Variants in PBX3 observed in about 807,000 individuals in gnomAD.
PBX3 encodes pre-B-cell leukemia transcription factor 3.
PBX3 carries 14 observed loss-of-function variants against 48.5 expected under a neutral mutation model. The observed-to-expected ratio is 0.29, with a 90% CI of 0.19 to 0.45. The LOEUF (loss-of-function observed/expected upper bound fraction) is 0.45, where lower values mean the gene tolerates loss of function less well. PBX3 is among the 20% of genes least tolerant of loss of function. The pLI is 1.00. For synonymous variants in PBX3, 210 were observed against 200.3 expected (o/e 1.05, Z -0.41); for missense variants, 386 against 546.7 (o/e 0.71, Z 2.93).
At chr9:125,752,121 A>G (rs1280669582) in intron 2 of PBX3, among the ~76,000 whole-genome samples, 1 of 152,192 alleles carries the variant, frequency 6.6e-6, no homozygotes, top group Non-Finnish European at 1.5e-5. Context: ...CTCCATGTTG[A>G]TGGCTGCCAA....
intron 2 of PBX3, among the ~76,000 whole-genome samples, chr9:125,886,408 T>C (rs1840502921): frequency 6.6e-6 from 1 of 152,172 alleles, no homozygotes; most frequent in East Asian, 1.9e-4. Flanking sequence ...AAAACATTTC[T>C]AATTTCCCTC....
At chr9:125,928,393 T>G (rs568383884) in intron 3 of PBX3, among the ~76,000 whole-genome samples, 7 of 52,024 alleles carry the variant, frequency 1.3e-4, no homozygotes, top group Admixed American at 4.7e-4. Context: ...GGGAAACAAA[T>G]GTGTGTGTGT....
At chr9:125,915,958 CA>C (rs1841322613) in intron 3 of PBX3, 31 bp downstream of exon 3, 2 of 1,604,628 alleles carry the variant, frequency 1.2e-6, no homozygotes, top group Non-Finnish European at 1.7e-6. Flanking sequence ...TAGTCCTACA[CA>C]AACCCTCTGT....
chr9:125,902,658 T>C (rs1379233046), intron 2 of PBX3, among the ~76,000 whole-genome samples: 1 of 151,736 alleles, frequency 6.6e-6, no homozygotes, highest in Non-Finnish European at 1.5e-5. Context: ...TTTGAAAGTA[T>C]GCACTTCCAA....
chr9:125,799,145 T>G (rs914790692), intron 2 of PBX3, among the ~76,000 whole-genome samples: 1 of 152,170 alleles, frequency 6.6e-6, no homozygotes, highest in Non-Finnish European at 1.5e-5. Flanking sequence ...GTTTCAGTTA[T>G]TTTTTTGTTC....
chr9:125,862,401 T>A (rs1335681885), intron 2 of PBX3, among the ~76,000 whole-genome samples: 1 of 152,170 alleles, frequency 6.6e-6, no homozygotes, highest in Non-Finnish European at 1.5e-5. Flanking sequence ...TTTTTTTGTT[T>A]GTTTGAGACG....
chr9:125,929,911 T>C (rs771411445), intron 4 of PBX3, 66 bp downstream of exon 4: 89 of 1,234,168 alleles, frequency 7.2e-5, no homozygotes, highest in Non-Finnish European at 1.0e-4. Flanking sequence ...TATTATTTTC[T>C]GTAAAACTGA....
chr9:125,747,384 T>TCGCCGCCGCCGC lies in PBX3; in HGVS notation c.-59_-48dup, dbSNP rs756293477. On this transcript the variant is annotated 5_prime_UTR_variant, in exon 1 of 9. Transcript: ENST00000373489. ...TCCCCCTCTTTCTTCTCCTCCCTCG[T>TCGCCGCCGCCGC]CGCCGCCGCCGCCGCCGCCGCCTCA... 8.3e-6 allele frequency: 5 copies of TCGCCGCCGCCGC among 600,270 alleles called. No individual in the cohort carries two copies. Among genetic ancestry groups the TCGCCGCCGCCGC allele is most frequent in the African/African-American group, 5.1e-5 (2 of 38,838 alleles). 37.2% of individuals were successfully genotyped at this position (600,270 alleles called of 1,614,324 possible). A position where few individuals can be genotyped will look rare whatever the true frequency, so the allele number is the denominator to read the frequency against.
intron 2 of PBX3, among the ~76,000 whole-genome samples, chr9:125,904,121 C>T (rs1405047774): frequency 2.0e-5 from 3 of 151,830 alleles, no homozygotes; most frequent in East Asian, 1.9e-4. Context: ...ATTTAATTTT[C>T]ACAAACTCTT....
intron 2 of PBX3, among the ~76,000 whole-genome samples, chr9:125,763,707 G>GA (rs1353513894): frequency 6.6e-6 from 1 of 152,216 alleles, no homozygotes; most frequent in Admixed American, 6.5e-5. Flanking sequence ...GCACTTGCTT[G>GA]AAGAAAGCAA....
chr9:125,867,805 CACATATATATAT>C (rs1840024890), intron 2 of PBX3, among the ~76,000 whole-genome samples: 1 of 151,566 alleles, frequency 6.6e-6, no homozygotes, highest in Non-Finnish European at 1.5e-5. Flanking sequence ...CATATATATA[CACATATATATAT>C]ACACATACAT....
At position 125,899,632 on chromosome 9, in the gene PBX3, G is replaced by T. The variant is rs1043632751; in HGVS notation, c.275-16054G>T. 2.0e-5 allele frequency among the ~76,000 whole-genome samples: 3 copies of T among 151,202 alleles called. No individual in the cohort carries two copies. In the South Asian group the frequency reaches 6.2e-4, roughly 31 times the overall value. On this transcript the variant is annotated intron_variant, in intron 2 of 8. Transcript: ENST00000373489. ...GGTGAAGATTTCAGTACCTCAGTTG[G>T]CAGAACATCATATAGACTCTCCTTC...
chr9:125,934,541 G>T (rs1162035282), intron 4 of PBX3, among the ~76,000 whole-genome samples: 1 of 152,134 alleles, frequency 6.6e-6, no homozygotes, highest in Admixed American at 6.5e-5. Context: ...CTTGAAATAT[G>T]TTGTTAATAA....
intron 2 of PBX3, among the ~76,000 whole-genome samples, chr9:125,848,269 G>A (rs543489765): frequency 4.3e-4 from 66 of 151,948 alleles, no homozygotes; most frequent in African/African-American, 1.6e-3. Flanking sequence ...ATCACCTCAA[G>A]GTATAGTCTC....
At chr9:125,847,965 G>T (rs1030594008) in intron 2 of PBX3, among the ~76,000 whole-genome samples, 5 of 152,004 alleles carry the variant, frequency 3.3e-5, no homozygotes, top group African/African-American at 1.2e-4. Context: ...GTCTGGCACA[G>T]AGCAACATTA....
chr9:125,889,695 T>G (rs1840588671), intron 2 of PBX3, among the ~76,000 whole-genome samples: 1 of 151,724 alleles, frequency 6.6e-6, no homozygotes, highest in Non-Finnish European at 1.5e-5. Context: ...CCATTTACAT[T>G]AATTATGCAG....
chr9:125,781,491 G>A (rs897136267), intron 2 of PBX3, among the ~76,000 whole-genome samples: 2 of 149,394 alleles, frequency 1.3e-5, no homozygotes, highest in Middle Eastern at 6.8e-3. Context: ...CTTCGGCTAG[G>A]CATCAGAGGG....
intron 2 of PBX3, among the ~76,000 whole-genome samples, chr9:125,825,206 C>T (rs1838772947): frequency 6.6e-6 from 1 of 152,032 alleles, no homozygotes. Flanking sequence ...ATAGCTTGAA[C>T]CTGGGAGGTG....
intron 5 of PBX3, among the ~76,000 whole-genome samples, chr9:125,945,335 A>G (rs1842044008): frequency 6.6e-6 from 1 of 152,214 alleles, no homozygotes; most frequent in Non-Finnish European, 1.5e-5. Context: ...AAGTGAAGAT[A>G]TAATAGTAAT....
Sources: gnomAD v4.1 joint callset for allele counts (sites outside exome capture counted in the v4.1 genomes callset) on GRCh38, gnomAD v4.1.1 for gene constraint, MANE v1.5 for transcripts, NCBI Gene and HGNC (gene_info 2026-07-23, HGNC 2026-07-21) for gene names.